The following RNF217 variants were observed in gnomAD, a reference collection of about 807,000 sequenced individuals.
RNF217 encodes ring finger protein 217.
In RNF217, 31 loss-of-function variants were observed where a neutral mutation model predicts 57.8. That is an observed-to-expected ratio of 0.54 (90% CI 0.40 to 0.72). RNF217 has a LOEUF of 0.72. RNF217 is among the 30% of genes least tolerant of loss of function. RNF217 has a pLI of 0.00. For missense variants in RNF217, 696 were observed against 708.3 expected, an observed-to-expected ratio of 0.98 and a Z score of 0.20; for synonymous variants, 313 against 294.0, an observed-to-expected ratio of 1.06 and a Z score of -0.66.
Position 124,962,465 on chromosome 6 carries a change from C to G in RNF217, c.-80C>G. ...AGCGGAGCCGCGAGTCGAGCCGAGCCACTGCCCCCGCTGCCCGCGGGCGCC... is the reference window on the plus strand; with the variant it reads ...AGCGGAGCCGCGAGTCGAGCCGAGCGACTGCCCCCGCTGCCCGCGGGCGCC... On this transcript the variant is annotated 5_prime_UTR_variant, in exon 1 of 6. Transcript: ENST00000521654. This position sits in a 1 kb window ranked among gnomAD's most constrained non-coding sequence, Gnocchi z 4.6. 1.8e-6 allele frequency: 1 copy of G among 569,596 alleles called. No homozygotes were observed. Among genetic ancestry groups the G allele is most frequent in the Non-Finnish European group, 2.4e-6 (1 of 421,270 alleles). 35.3% of individuals were successfully genotyped at this position (569,596 alleles called of 1,614,324 possible). A position where few individuals can be genotyped will look rare whatever the true frequency, so the allele number is the denominator to read the frequency against.
chr6:125,033,211 A>G (rs1236344368), intron 1 of RNF217, among the ~76,000 whole-genome samples: 2 of 137,160 alleles, frequency 1.5e-5, no homozygotes, highest in Admixed American at 7.2e-5. Flanking sequence ...TTTTTTTTTT[A>G]TACTTAAGTT....
chr6:124,997,729 C>T (rs189857940), intron 1 of RNF217, among the ~76,000 whole-genome samples: 2 of 152,206 alleles, frequency 1.3e-5, no homozygotes, highest in African/African-American at 2.4e-5. Flanking sequence ...TCTGCTCGCT[C>T]TCTCTACAGC....
intron 1 of RNF217, among the ~76,000 whole-genome samples, chr6:125,005,285 G>C (rs558635597): frequency 6.6e-6 from 1 of 152,298 alleles, no homozygotes; most frequent in African/African-American, 2.4e-5. Context: ...AGGTCAGTCA[G>C]AAAAGTGCCT....
chr6:124,994,493 A>T (rs1784675408), intron 1 of RNF217, among the ~76,000 whole-genome samples: 1 of 152,204 alleles, frequency 6.6e-6, no homozygotes, highest in African/African-American at 2.4e-5. Flanking sequence ...GGTAGACTTC[A>T]CAAACTTGTA....
In RNF217 at chr6:125,022,933, A is replaced by G. The variant is rs552853263; in HGVS notation, c.883-22278A>G. 1.1e-4 allele frequency among the ~76,000 whole-genome samples: 16 copies of G among 152,250 alleles called. No individual in the cohort carries two copies. In the South Asian group the frequency reaches 3.1e-3, roughly 30 times the overall value. ...TCTATTAACCTCTTTTTGAATTTCA[A>G]CAATTATTTCTTAAGCACCTACTTT... On this transcript the variant is annotated intron_variant, in intron 1 of 5. Coordinates refer to ENST00000521654, the MANE Select transcript of RNF217 (RefSeq NM_001286398.3).
In RNF217 at chr6:125,089,762, G is replaced by A. The variant is rs1263607716; in HGVS notation, c.*6825G>A. On this transcript the variant is annotated 3_prime_UTR_variant, in exon 6 of 6. Coordinates refer to ENST00000521654, the MANE Select transcript of RNF217 (RefSeq NM_001286398.3). ...TGTCATTGGTTCTCTGCGAATCTGT[G>A]ATGTGTTCACTTCGCCATGCCCCAG... 2 of 152,090 alleles carry A rather than the reference G, an allele frequency of 1.3e-5. No homozygotes were observed. The highest frequency in any genetic ancestry group is 4.8e-5 in the African/African-American group (2 of 41,434). 9.4% of individuals were successfully genotyped at this position (152,090 alleles called of 1,614,324 possible).
chr6:125,022,223 C>A (rs1785872674), intron 1 of RNF217, among the ~76,000 whole-genome samples: 1 of 152,136 alleles, frequency 6.6e-6, no homozygotes, highest in South Asian at 2.1e-4. Flanking sequence ...CACAGCAGAT[C>A]TATTTGGTTT....
intron 1 of RNF217, among the ~76,000 whole-genome samples, chr6:124,970,023 A>C (rs1279912537): frequency 6.6e-6 from 1 of 152,188 alleles, no homozygotes; most frequent in Non-Finnish European, 1.5e-5. Flanking sequence ...CAGGAATCGC[A>C]AGGAGATCTG....
rs540081453 is a variant in RNF217 at position 125,002,727 on chromosome 6, A to C, written c.882+39301A>C. On this transcript the variant is annotated intron_variant, in intron 1 of 5. Transcript: ENST00000521654. ...GTCCGTGTGATTTTCGTGCTGGCTT[A>C]TCAAACTTCATATCCCTTATATGGA... is the stretch of plus-strand genomic sequence containing the variant. Among the ~76,000 whole-genome samples the C allele has an allele frequency of 2.6e-5, 4 of 152,194 alleles. No homozygotes were observed. In the East Asian group the frequency reaches 7.7e-4, roughly 29 times the overall value.
chr6:125,047,211 A>G (rs942459250), intron 2 of RNF217, among the ~76,000 whole-genome samples: 15 of 152,200 alleles, frequency 9.9e-5, no homozygotes, highest in African/African-American at 3.1e-4. Flanking sequence ...TTAAAATTGC[A>G]GTAATTAAAA....
intron 1 of RNF217, chr6:124,971,449 T>G (rs941912227): frequency 4.2e-5 from 13 of 309,506 alleles, no homozygotes; most frequent in African/African-American, 2.7e-4. Context: ...TACTGTTAAG[T>G]TTTTTTTTGT....
intron 1 of RNF217, among the ~76,000 whole-genome samples, chr6:125,032,461 A>G: frequency 6.6e-6 from 1 of 151,930 alleles, no homozygotes; most frequent in South Asian, 2.1e-4. Context: ...TATGCCAAAT[A>G]TATAAATATA....
intron 2 of RNF217, among the ~76,000 whole-genome samples, chr6:125,050,706 G>A (rs1338330624): frequency 6.6e-6 from 1 of 151,432 alleles, no homozygotes; most frequent in Non-Finnish European, 1.5e-5. Flanking sequence ...ATGCTGCTTT[G>A]TTCTGGTTTT....
chr6:124,973,189 C>T (rs1419609641), intron 1 of RNF217, among the ~76,000 whole-genome samples: 1 of 152,102 alleles, frequency 6.6e-6, no homozygotes, highest in Non-Finnish European at 1.5e-5. Flanking sequence ...ATAGAGATCC[C>T]AGCTCATAAC....
chr6:125,012,011 G>C (rs1785433455), intron 1 of RNF217, among the ~76,000 whole-genome samples: 3 of 151,956 alleles, frequency 2.0e-5, no homozygotes, highest in Admixed American at 1.3e-4. Flanking sequence ...CTTTTAAAAG[G>C]ATACTCATTG....
intron 1 of RNF217, among the ~76,000 whole-genome samples, chr6:125,004,212 G>A (rs1785088944): frequency 6.6e-6 from 1 of 152,114 alleles, no homozygotes; most frequent in Non-Finnish European, 1.5e-5. Flanking sequence ...TTGTTGTAGG[G>A]CACACATCTA....
At chr6:124,996,186 G>T (rs1011663536) in intron 1 of RNF217, among the ~76,000 whole-genome samples, 9 of 152,086 alleles carry the variant, frequency 5.9e-5, no homozygotes, top group African/African-American at 2.2e-4. Context: ...GTACTTCATC[G>T]TATATTTAAG....
At chr6:124,967,924 G>A (rs1783610856) in intron 1 of RNF217, among the ~76,000 whole-genome samples, 1 of 152,068 alleles carries the variant, frequency 6.6e-6, no homozygotes, top group South Asian at 2.1e-4. Flanking sequence ...GATTACAGGT[G>A]CATGCCATCA....
intron 2 of RNF217, among the ~76,000 whole-genome samples, chr6:125,049,963 A>AG (rs369788312): frequency 1.3e-4 from 20 of 151,990 alleles, no homozygotes; most frequent in African/African-American, 4.6e-4. Context: ...ATGACTCAGG[A>AG]GTGATTTGGT....
Sources: gnomAD v4.1 joint callset for allele counts (sites outside exome capture counted in the v4.1 genomes callset) on GRCh38, gnomAD v4.1.1 for gene constraint, Gnocchi (gnomAD v3.1) non-coding constraint, MANE v1.5 for transcripts, NCBI Gene and HGNC (gene_info 2026-07-23, HGNC 2026-07-21) for gene names.